Variants in PALM2AKAP2 observed in about 807,000 individuals in gnomAD.
The protein encoded by PALM2AKAP2 is PALM2-AKAP2 fusion protein.
In PALM2AKAP2, 37 loss-of-function variants were observed where a neutral mutation model predicts 71.5. The ratio of observed to expected loss-of-function variants is 0.52; its 90% CI spans 0.40 to 0.68. PALM2AKAP2 has a LOEUF of 0.68. Among genes scored for constraint, PALM2AKAP2 ranks in the 30% least tolerant of loss-of-function variants. PALM2AKAP2 has a pLI of 0.00. For missense variants in PALM2AKAP2, 1,224 were observed against 1,191.8 expected, an observed-to-expected ratio of 1.03 and a Z score of -0.40; for synonymous variants, 468 against 478.8, an observed-to-expected ratio of 0.98 and a Z score of 0.29.
chr9:109,766,040 A>T (rs1829145968), intron 1 of PALM2AKAP2, among the ~76,000 whole-genome samples: 1 of 152,122 alleles, frequency 6.6e-6, no homozygotes, highest in Non-Finnish European at 1.5e-5. Flanking sequence ...CAGGGAGGAG[A>T]GGCAGGCAGG....
chr9:109,788,379 C>G (rs1564148800), intron 1 of PALM2AKAP2, among the ~76,000 whole-genome samples: 1 of 152,174 alleles, frequency 6.6e-6, no homozygotes, highest in Non-Finnish European at 1.5e-5. Flanking sequence ...GTAGCAGCAA[C>G]TGCCATTTGA....
chr9:109,871,764 T>C (rs1829607647), intron 2 of PALM2AKAP2, among the ~76,000 whole-genome samples: 1 of 152,162 alleles, frequency 6.6e-6, no homozygotes, highest in Non-Finnish European at 1.5e-5. Flanking sequence ...TTAATACCCA[T>C]ACAAAAACTT....
chr9:109,836,985 C>T (rs928337987), intron 1 of PALM2AKAP2, among the ~76,000 whole-genome samples: 1 of 152,194 alleles, frequency 6.6e-6, no homozygotes, highest in Non-Finnish European at 1.5e-5. Context: ...ACTTCCCCAA[C>T]ATAGCAATGC....
At chr9:110,075,635 C>G (rs1228527633) in intron 1 of PALM2AKAP2, among the ~76,000 whole-genome samples, 1 of 151,876 alleles carries the variant, frequency 6.6e-6, no homozygotes, top group Admixed American at 6.6e-5. Context: ...CCTGTAAAAG[C>G]TGCCCCTATG....
rs1172013824 is a variant in PALM2AKAP2 at position 109,915,735 on chromosome 9, C to T, written c.258-8000C>T. 3.3e-5 allele frequency among the ~76,000 whole-genome samples: 5 copies of T among 152,032 alleles called. No individual in the cohort carries two copies. In the East Asian group the frequency reaches 9.6e-4, roughly 29 times the overall value. ...CTAATCCTTATGATTATTATTGTTA[C>T]ATATATTACTGTATCTAGCAAAAAC... On this transcript the variant is annotated intron_variant, in intron 3 of 9. Coordinates refer to the PALM2AKAP2 transcript ENST00000302798.
intron 1 of PALM2AKAP2, among the ~76,000 whole-genome samples, chr9:109,853,050 A>G (rs1829063752): frequency 6.6e-6 from 1 of 152,036 alleles, no homozygotes; most frequent in Admixed American, 6.6e-5. Context: ...CAGTTGCCAG[A>G]CGGACAGCTT....
intron 1 of PALM2AKAP2, among the ~76,000 whole-genome samples, chr9:109,768,545 A>G (rs7850505): frequency 1.2e-3 from 181 of 152,286 alleles, no homozygotes; most frequent in African/African-American, 4.0e-3. Flanking sequence ...CTATTTTGAA[A>G]TATGCAATTT....
intron 1 of PALM2AKAP2, among the ~76,000 whole-genome samples, chr9:109,825,964 C>T (rs1033400871): frequency 2.6e-5 from 4 of 152,096 alleles, no homozygotes; most frequent in African/African-American, 9.7e-5. Context: ...GGAACCAACC[C>T]AAATGTCCAA....
At chr9:109,764,657 C>T (rs1187554482) in intron 1 of PALM2AKAP2, among the ~76,000 whole-genome samples, 4 of 152,160 alleles carry the variant, frequency 2.6e-5, no homozygotes, top group African/African-American at 9.7e-5. Context: ...TTATTCAACT[C>T]TGCCTCACCG....
intron 3 of PALM2AKAP2, among the ~76,000 whole-genome samples, chr9:109,892,834 A>G (rs1307214483): frequency 6.6e-6 from 1 of 152,178 alleles, no homozygotes. Flanking sequence ...GTGACTATTA[A>G]GTCAAGATAT....
intron 1 of PALM2AKAP2, among the ~76,000 whole-genome samples, chr9:110,096,961 TTA>T (rs1491076056): frequency 8.8e-5 from 13 of 147,744 alleles, no homozygotes; most frequent in Admixed American, 6.8e-5. Context: ...TATTTATTTA[TTA>T]TTTTTTTTAT....
chr9:110,131,451 C>CGTT (rs367778731), intron 1 of PALM2AKAP2, among the ~76,000 whole-genome samples: 74 of 152,330 alleles, frequency 4.9e-4, no homozygotes, highest in African/African-American at 1.8e-3. Flanking sequence ...TCTGGAATCA[C>CGTT]GTTCGCCTAA....
At chr9:110,066,363 G>C (rs1013757899) in intron 1 of PALM2AKAP2, among the ~76,000 whole-genome samples, 1 of 152,138 alleles carries the variant, frequency 6.6e-6, no homozygotes, top group African/African-American at 2.4e-5. Context: ...GCAGATAATA[G>C]TACTTACCTC....
chr9:110,028,596 A>T (rs1430810037), intron 7 of PALM2AKAP2, among the ~76,000 whole-genome samples: 1 of 152,108 alleles, frequency 6.6e-6, no homozygotes, highest in Admixed American at 6.5e-5. Flanking sequence ...CAAGCTTTGA[A>T]CCCAGATGGA....
chr9:109,794,404 A>ATTTTTTTTT (rs57551115), intron 1 of PALM2AKAP2, among the ~76,000 whole-genome samples: 1 of 143,766 alleles, frequency 7.0e-6, no homozygotes. Flanking sequence ...TTCCAGGTGT[A>ATTTTTTTTT]TTTTTTTTTT....
At chr9:109,763,482 G>A (rs917022745) in intron 1 of PALM2AKAP2, among the ~76,000 whole-genome samples, 1 of 152,164 alleles carries the variant, frequency 6.6e-6, no homozygotes, top group African/African-American at 2.4e-5. Flanking sequence ...ATCCAGTTTA[G>A]GAACTGTTTG....
chr9:109,754,774 A>T (rs1479683917), intron 1 of PALM2AKAP2, among the ~76,000 whole-genome samples: 1 of 152,048 alleles, frequency 6.6e-6, no homozygotes, highest in Admixed American at 6.6e-5. Context: ...CACTAATCTC[A>T]TCATGAGGGC....
At chr9:109,876,548 C>T (rs36058542) in intron 2 of PALM2AKAP2, among the ~76,000 whole-genome samples, 31,493 of 151,998 alleles carry the variant, frequency 0.21, 4,088 homozygotes, top group Admixed American at 0.29. Context: ...GCGTGATCTT[C>T]GGCTCACTGC....
intron 1 of PALM2AKAP2, among the ~76,000 whole-genome samples, chr9:109,855,898 AC>A (rs1829151287): frequency 6.6e-6 from 1 of 152,296 alleles, no homozygotes; most frequent in African/African-American, 2.4e-5. Context: ...CATTTTTTTA[AC>A]CTGAAAAGAT....
Sources: gnomAD v4.1 joint callset for allele counts (sites outside exome capture counted in the v4.1 genomes callset) on GRCh38, gnomAD v4.1.1 for gene constraint, MANE v1.5 for transcripts, NCBI Gene and HGNC (gene_info 2026-07-23, HGNC 2026-07-21) for gene names.